Variants in ASIC2 observed in about 807,000 individuals in gnomAD.
ASIC2 encodes acid-sensing ion channel 2.
A neutral mutation model predicts 57.3 loss-of-function variants in ASIC2; 25 were observed. The observed-to-expected ratio is 0.44, with a 90% CI of 0.32 to 0.61. The LOEUF (loss-of-function observed/expected upper bound fraction) is 0.61, where lower values mean the gene tolerates loss of function less well. ASIC2 is among the 20% of genes least tolerant of loss of function. The pLI is 0.06. For missense variants in ASIC2, 641 were observed against 738.1 expected (o/e 0.87, Z 1.52); for synonymous variants, 319 against 307.5 (o/e 1.04, Z -0.39).
At chr17:33,799,438 C>CTTTCTTTCTTTCTTTCTTTCTTA (rs1912050102) in intron 1 of ASIC2, among the ~76,000 whole-genome samples, 15 of 46,096 alleles carry the variant, frequency 3.3e-4, no homozygotes, top group Admixed American at 1.9e-3. Flanking sequence ...TTCTTTCTTT[C>CTTTCTTTCTTTCTTTCTTTCTTA]TTTCTTTCTT....
intron 1 of ASIC2, among the ~76,000 whole-genome samples, chr17:34,011,620 T>C (rs1332346053): frequency 6.6e-6 from 1 of 152,150 alleles, no homozygotes; most frequent in African/African-American, 2.4e-5. Flanking sequence ...TTAATAGGCA[T>C]GGCCTCCGCC....
chr17:33,356,421 G>A (rs1249522146), intron 1 of ASIC2, among the ~76,000 whole-genome samples: 1 of 152,134 alleles, frequency 6.6e-6, no homozygotes, highest in Non-Finnish European at 1.5e-5. Context: ...TCCAGATTCT[G>A]AGGCTATGCA....
chr17:33,760,338 A>G (rs1910742996), intron 1 of ASIC2, among the ~76,000 whole-genome samples: 1 of 152,098 alleles, frequency 6.6e-6, no homozygotes, highest in Non-Finnish European at 1.5e-5. Flanking sequence ...TCATTTGAAC[A>G]TCACTGGATT....
intron 1 of ASIC2, among the ~76,000 whole-genome samples, chr17:33,835,709 G>C (rs7208953): frequency 0.24 from 36,105 of 152,096 alleles, 5,549 homozygotes; most frequent in African/African-American, 0.43. Context: ...TCATAGAGGA[G>C]TCTAATAAAA....
At chr17:33,534,617 G>A (rs1915165929) in intron 1 of ASIC2, 1 of 152,086 alleles carries the variant, frequency 6.6e-6, no homozygotes, top group South Asian at 2.1e-4. Context: ...AGCAAGCTTG[G>A]GTATGTATTG....
intron 1 of ASIC2, among the ~76,000 whole-genome samples, chr17:34,020,441 T>C (rs1274629271): frequency 6.6e-6 from 1 of 152,038 alleles, no homozygotes; most frequent in African/African-American, 2.4e-5. Flanking sequence ...TCATGGGAGG[T>C]AGTTTCCATA....
intron 1 of ASIC2, among the ~76,000 whole-genome samples, chr17:33,844,589 A>G (rs556705142): frequency 6.6e-6 from 1 of 152,248 alleles, no homozygotes; most frequent in Non-Finnish European, 1.5e-5. Flanking sequence ...ATATGAAAAC[A>G]GAGATGATAG....
intron 1 of ASIC2, among the ~76,000 whole-genome samples, chr17:33,435,091 T>C (rs1301966412): frequency 6.6e-6 from 1 of 152,170 alleles, no homozygotes; most frequent in Non-Finnish European, 1.5e-5. Flanking sequence ...AGGAAAGAGA[T>C]AGAGTAAAAC....
intron 1 of ASIC2, among the ~76,000 whole-genome samples, chr17:33,713,225 G>C (rs1909110390): frequency 1.3e-5 from 2 of 152,170 alleles, no homozygotes; most frequent in Admixed American, 1.3e-4. Flanking sequence ...ATCTTGGAAG[G>C]CTGCTGTATT....
At chr17:33,700,573 T>C (rs1908665830) in intron 1 of ASIC2, among the ~76,000 whole-genome samples, 1 of 152,182 alleles carries the variant, frequency 6.6e-6, no homozygotes, top group Admixed American at 6.5e-5. Context: ...TAAGTTCCAT[T>C]TGAAACAAGT....
intron 1 of ASIC2, among the ~76,000 whole-genome samples, chr17:33,579,182 A>G (rs1207998048): frequency 6.6e-6 from 1 of 151,272 alleles, no homozygotes; most frequent in Non-Finnish European, 1.5e-5. Context: ...GCTACTTGAG[A>G]GGCTGAGGCA....
intron 1 of ASIC2, among the ~76,000 whole-genome samples, chr17:33,250,976 C>T (rs1052165588): frequency 6.6e-6 from 1 of 152,196 alleles, no homozygotes; most frequent in African/African-American, 2.4e-5. Context: ...CCATTTTAAA[C>T]CTGCAGATAG....
At chr17:33,501,095 A>G (rs117407921) in intron 1 of ASIC2, among the ~76,000 whole-genome samples, 3,530 of 152,342 alleles carry the variant, frequency 0.023, 59 homozygotes, top group Non-Finnish European at 0.035. Context: ...ATCCCCAGTG[A>G]AATTCCCTGA....
chr17:33,458,696 ACT>A (rs1183020944), intron 1 of ASIC2, among the ~76,000 whole-genome samples: 5 of 152,228 alleles, frequency 3.3e-5, no homozygotes, highest in Non-Finnish European at 1.5e-5. Context: ...TGGTTCAAGT[ACT>A]GGTTGGCCAT....
At chr17:33,055,329 C>T (rs1266087699) in intron 3 of ASIC2, among the ~76,000 whole-genome samples, 1 of 152,194 alleles carries the variant, frequency 6.6e-6, no homozygotes, top group African/African-American at 2.4e-5. Context: ...CACCTCTTAG[C>T]TCAGTTGCCA....
chr17:33,737,193 T>C (rs1319346588), intron 1 of ASIC2, among the ~76,000 whole-genome samples: 1 of 152,270 alleles, frequency 6.6e-6, no homozygotes, highest in Admixed American at 6.5e-5. Flanking sequence ...GGCTTTGTTT[T>C]TATGGGGTAG....
At chr17:33,892,071 G>A (rs1387532778) in intron 1 of ASIC2, among the ~76,000 whole-genome samples, 3 of 152,158 alleles carry the variant, frequency 2.0e-5, no homozygotes, top group African/African-American at 7.2e-5. Context: ...TTGTCCAGTA[G>A]GTGTCTGGAA....
chr17:33,878,268 G>T (rs1180764204), intron 1 of ASIC2, among the ~76,000 whole-genome samples: 1 of 152,222 alleles, frequency 6.6e-6, no homozygotes, highest in African/African-American at 2.4e-5. Context: ...GAATGACTTT[G>T]ACAAGTTGAG....
At chr17:33,153,645 C>T (rs767052324) in intron 1 of ASIC2, among the ~76,000 whole-genome samples, 12 of 152,110 alleles carry the variant, frequency 7.9e-5, no homozygotes, top group Admixed American at 3.9e-4. Context: ...CCCAGGTATG[C>T]GGCTGATTTC....
Sources: gnomAD v4.1 joint callset for allele counts (sites outside exome capture counted in the v4.1 genomes callset) on GRCh38, gnomAD v4.1.1 for gene constraint, MANE v1.5 for transcripts, NCBI Gene and HGNC (gene_info 2026-07-23, HGNC 2026-07-21) for gene names.